PCSK5: variants seen among roughly 807,000 people sequenced by gnomAD.
The protein encoded by PCSK5 is proprotein convertase subtilisin/kexin type 5, also known as prohormone convertase 5.
PCSK5 carries 129 observed loss-of-function variants against 233.2 expected under a neutral mutation model. The observed-to-expected ratio is 0.55, with a 90% CI of 0.48 to 0.64. PCSK5 has a LOEUF of 0.64. Ranked by LOEUF, PCSK5 falls within the 30% of genes least tolerant of loss-of-function variation. The probability of loss-of-function intolerance (pLI) is 0.00; values close to 1 mark genes in which losing one functional copy is unlikely to be tolerated. For missense variants in PCSK5, 2,076 were observed against 2,430.1 expected (o/e 0.85, Z 3.06); for synonymous variants, 825 against 879.2 (o/e 0.94, Z 1.09).
chr9:75,986,389 A>G, intron 3 of PCSK5, 144 bp downstream of exon 3: 2 of 570,966 alleles, frequency 3.5e-6, no homozygotes, highest in Non-Finnish European at 6.3e-6. Context: ...AGATTGGTTA[A>G]TGGCCTATGA....
At chr9:75,907,464 T>C (rs1826309706) in intron 1 of PCSK5, among the ~76,000 whole-genome samples, 1 of 152,194 alleles carries the variant, frequency 6.6e-6, no homozygotes, top group East Asian at 1.9e-4. Flanking sequence ...TGTGTGTGGA[T>C]TCGAAAGTCC....
chr9:76,109,995 A>G (rs1832143718), intron 9 of PCSK5, among the ~76,000 whole-genome samples: 1 of 152,130 alleles, frequency 6.6e-6, no homozygotes, highest in South Asian at 2.1e-4. Flanking sequence ...AACTAAACCT[A>G]ATCCTTGTAT....
At chr9:75,940,086 T>C (rs1824230060) in intron 2 of PCSK5, among the ~76,000 whole-genome samples, 1 of 152,200 alleles carries the variant, frequency 6.6e-6, no homozygotes, top group Non-Finnish European at 1.5e-5. Context: ...TACCATCCAT[T>C]GTACTTCTAA....
intron 30 of PCSK5, among the ~76,000 whole-genome samples, chr9:76,319,783 A>G (rs1829139432): frequency 6.6e-6 from 1 of 152,146 alleles, no homozygotes; most frequent in Non-Finnish European, 1.5e-5. Flanking sequence ...CTCCTTGTCC[A>G]CTTTCATGCT....
At chr9:76,353,974 C>T (rs1287263807) in intron 36 of PCSK5, 59 bp from the exon 37 acceptor site, 1 of 1,232,620 alleles carries the variant, frequency 8.1e-7, no homozygotes, top group African/African-American at 1.5e-5. Context: ...AATCTGGGAA[C>T]TCCAGTGCCT....
chr9:76,028,396 T>A (rs1448004203), intron 5 of PCSK5, among the ~76,000 whole-genome samples: 1 of 152,058 alleles, frequency 6.6e-6, no homozygotes, highest in Non-Finnish European at 1.5e-5. Flanking sequence ...TCCCCAGACA[T>A]ATGGAGATCA....
intron 33 of PCSK5, among the ~76,000 whole-genome samples, chr9:76,329,883 G>T (rs932400660): frequency 3.9e-5 from 6 of 151,946 alleles, no homozygotes; most frequent in Middle Eastern, 3.2e-3. Flanking sequence ...TTCCTTTCGG[G>T]TGACTGTGAA....
chr9:76,198,376 A>C (rs1300277068), intron 20 of PCSK5, among the ~76,000 whole-genome samples: 1 of 152,182 alleles, frequency 6.6e-6, no homozygotes, highest in Non-Finnish European at 1.5e-5. Flanking sequence ...AAAACAGTAC[A>C]TTATTTTAAA....
chr9:76,192,970 TTC>T (rs1230188025), intron 20 of PCSK5, among the ~76,000 whole-genome samples: 4 of 130,220 alleles, frequency 3.1e-5, no homozygotes, highest in African/African-American at 1.2e-4. Context: ...TTCTAATTTA[TTC>T]TTTTTCTAAT....
At chr9:76,121,835 T>TC (rs1377913206) in intron 9 of PCSK5, among the ~76,000 whole-genome samples, 4 of 85,636 alleles carry the variant, frequency 4.7e-5, no homozygotes, top group Non-Finnish European at 8.2e-5. Flanking sequence ...TTTTTTTTTT[T>TC]TTTTTTGAGA....
At chr9:76,018,498 A>T (rs1248611979) in intron 3 of PCSK5, among the ~76,000 whole-genome samples, 1 of 151,852 alleles carries the variant, frequency 6.6e-6, no homozygotes, top group South Asian at 2.1e-4. Flanking sequence ...TGAACTGCGC[A>T]TGCGAGGGAT....
At chr9:76,162,727 A>G (rs1422361353) in intron 12 of PCSK5, among the ~76,000 whole-genome samples, 1 of 152,204 alleles carries the variant, frequency 6.6e-6, no homozygotes, top group Non-Finnish European at 1.5e-5. Flanking sequence ...GTTTAAAACA[A>G]TGTTTCCCTA....
chr9:76,286,931 C>A (rs1828091761), intron 24 of PCSK5: 2 of 243,980 alleles, frequency 8.2e-6, no homozygotes, highest in Non-Finnish European at 1.6e-5. Context: ...ACTTGTGCAG[C>A]CTGCCCTGTG....
chr9:76,071,063 T>C (rs745989984), intron 6 of PCSK5, among the ~76,000 whole-genome samples: 2 of 152,208 alleles, frequency 1.3e-5, no homozygotes, highest in Admixed American at 6.5e-5. Context: ...TGTCTCTTTT[T>C]GCAAAATAGG....
intron 30 of PCSK5, among the ~76,000 whole-genome samples, chr9:76,313,415 C>G (rs1298124696): frequency 6.6e-6 from 1 of 152,130 alleles, no homozygotes; most frequent in African/African-American, 2.4e-5. Flanking sequence ...AACCCTATAC[C>G]CTTTTAGCTG....
At position 75,890,983 on chromosome 9, in the gene PCSK5, G is replaced by A. The variant is rs1470634040; in HGVS notation, c.-199G>A. Reference sequence around the variant, plus strand: ...GGGAGCACAGGTCCCGGCAGCCCCAGGGATGGTCTAGGAGCCGGCGTAAGG... The same window carrying A: ...GGGAGCACAGGTCCCGGCAGCCCCAAGGATGGTCTAGGAGCCGGCGTAAGG... On this transcript the variant is annotated 5_prime_UTR_variant, in exon 1 of 38. Transcript: ENST00000674117. 15 of 429,190 alleles carry A rather than the reference G, an allele frequency of 3.5e-5. No individual in the cohort carries two copies. 26.6% of individuals were successfully genotyped at this position (429,190 alleles called of 1,614,324 possible).
At chr9:76,289,505 ACACACG>A (rs1400396084) in intron 24 of PCSK5, among the ~76,000 whole-genome samples, 1 of 128,046 alleles carries the variant, frequency 7.8e-6, no homozygotes, top group Non-Finnish European at 1.6e-5. Context: ...ACACACACAC[ACACACG>A]CAACATACAC....
At chr9:76,318,106 C>T (rs1299544773) in intron 30 of PCSK5, among the ~76,000 whole-genome samples, 3 of 152,284 alleles carry the variant, frequency 2.0e-5, no homozygotes, top group African/African-American at 7.2e-5. Context: ...CCGCGAGTTC[C>T]AGCTCTTCCA....
At chr9:76,317,529 G>A (rs755282686) in intron 30 of PCSK5, among the ~76,000 whole-genome samples, 35 of 152,244 alleles carry the variant, frequency 2.3e-4, no homozygotes, top group South Asian at 6.2e-4. Context: ...AAAATGCTGC[G>A]TAGCAGCGGA....
Sources: allele counts gnomAD v4.1 joint callset (sites outside exome capture counted in the v4.1 genomes callset), GRCh38; gene constraint gnomAD v4.1.1; transcripts MANE v1.5; gene names NCBI Gene and HGNC (gene_info 2026-07-23, HGNC 2026-07-21).